Variants in NEXN observed in about 807,000 individuals in gnomAD.
The protein encoded by NEXN is nexilin F-actin binding protein.
NEXN carries 65 observed loss-of-function variants against 92.6 expected under a neutral mutation model. The ratio of observed to expected loss-of-function variants is 0.70; its 90% confidence interval spans 0.57 to 0.86. NEXN has a LOEUF of 0.86. Ranked by LOEUF, NEXN falls within the 40% of genes least tolerant of loss-of-function variation. NEXN has a pLI of 0.00. For synonymous variants in NEXN, 254 were observed against 242.5 expected (o/e 1.05, Z -0.44); for missense variants, 778 against 771.1 (o/e 1.01, Z -0.11).
chr1:77,894,145 C>T (rs766087188), intron 1 of NEXN, among the ~76,000 whole-genome samples: 1 of 150,942 alleles, frequency 6.6e-6, no homozygotes, highest in African/African-American at 2.4e-5. Flanking sequence ...TTAGTAGAGA[C>T]GAGATTTCAC....
chr1:77,908,943 T>C (rs1175774318), intron 1 of NEXN, among the ~76,000 whole-genome samples: 5 of 152,160 alleles, frequency 3.3e-5, no homozygotes, highest in African/African-American at 4.8e-5. Flanking sequence ...TGTGAGGTGA[T>C]TGAAGGTCTG....
At chr1:77,892,312 G>C (rs1227407337) in intron 1 of NEXN, among the ~76,000 whole-genome samples, 1 of 152,088 alleles carries the variant, frequency 6.6e-6, no homozygotes, top group East Asian at 1.9e-4. Flanking sequence ...TAGTGTACCT[G>C]TCACCCAAAT....
chr1:77,936,463 T>C (rs531847863), intron 11 of NEXN, among the ~76,000 whole-genome samples: 10 of 152,312 alleles, frequency 6.6e-5, no homozygotes, highest in South Asian at 4.1e-4. Flanking sequence ...TTTTGGCATA[T>C]GTTTTAGTTG....
chr1:77,939,384 G>A (rs1316979883), intron 11 of NEXN, among the ~76,000 whole-genome samples: 1 of 152,196 alleles, frequency 6.6e-6, no homozygotes, highest in African/African-American at 2.4e-5. Flanking sequence ...AGTACAAGTA[G>A]ATAAAGCTGC....
At chr1:77,925,988 A>G (rs930767539) in intron 6 of NEXN, among the ~76,000 whole-genome samples, 1 of 152,144 alleles carries the variant, frequency 6.6e-6, no homozygotes, top group Non-Finnish European at 1.5e-5. Context: ...TACTGGTTTC[A>G]TTAAGTATTT....
intron 1 of NEXN, among the ~76,000 whole-genome samples, chr1:77,906,958 T>C (rs1310114282): frequency 6.6e-6 from 1 of 152,132 alleles, no homozygotes; most frequent in African/African-American, 2.4e-5. Flanking sequence ...GGGAAATGAT[T>C]TGGAGAGAAG....
chr1:77,934,253 G>A (rs1007576522), intron 10 of NEXN, among the ~76,000 whole-genome samples: 5 of 151,902 alleles, frequency 3.3e-5, no homozygotes, highest in Admixed American at 6.6e-5. Context: ...CAGGTGATCC[G>A]CCCACCTCGG....
chr1:77,914,330 G>T (rs1186806832), intron 1 of NEXN, among the ~76,000 whole-genome samples: 5 of 151,980 alleles, frequency 3.3e-5, no homozygotes, highest in African/African-American at 1.2e-4. Flanking sequence ...GTTGATAATG[G>T]GGGTGACTAA....
chr1:77,910,392 C>T (rs1648463176), intron 1 of NEXN, among the ~76,000 whole-genome samples: 1 of 152,048 alleles, frequency 6.6e-6, no homozygotes. Context: ...GAACTGTGCT[C>T]ACCGATGATG....
intron 5 of NEXN, among the ~76,000 whole-genome samples, chr1:77,921,929 T>C (rs1377969835): frequency 6.6e-6 from 1 of 151,830 alleles, no homozygotes; most frequent in Non-Finnish European, 1.5e-5. Flanking sequence ...CAAAAAAATC[T>C]ACCAAAAAAG....
intron 1 of NEXN, among the ~76,000 whole-genome samples, chr1:77,897,869 GACAA>G (rs1226213475): frequency 6.6e-5 from 10 of 151,658 alleles, no homozygotes; most frequent in Non-Finnish European, 1.0e-4. Flanking sequence ...ACCAATAACA[GACAA>G]ACAGAGAGCC....
At chr1:77,923,401 A>G (rs938147147) in intron 5 of NEXN, among the ~76,000 whole-genome samples, 2 of 152,146 alleles carry the variant, frequency 1.3e-5, no homozygotes, top group Admixed American at 6.5e-5. Flanking sequence ...AGCAGGGTAC[A>G]ACAAAATTCC....
intron 1 of NEXN, among the ~76,000 whole-genome samples, chr1:77,909,813 C>T (rs1003110841): frequency 6.6e-6 from 1 of 152,158 alleles, no homozygotes; most frequent in Non-Finnish European, 1.5e-5. Flanking sequence ...CCTACATGAA[C>T]TCTTCCAGAA....
chr1:77,936,374 T>G (rs372609049), intron 11 of NEXN, among the ~76,000 whole-genome samples: 1 of 152,128 alleles, frequency 6.6e-6, no homozygotes, highest in South Asian at 2.1e-4. Flanking sequence ...GATCACATGA[T>G]CCAGGAGTCC....
At chr1:77,900,464 C>A (rs1021457071) in intron 1 of NEXN, among the ~76,000 whole-genome samples, 1 of 152,106 alleles carries the variant, frequency 6.6e-6, no homozygotes, top group Non-Finnish European at 1.5e-5. Flanking sequence ...AGGGCTAGCT[C>A]TTATTTGTTT....
At chr1:77,898,098 T>G (rs1179353105) in intron 1 of NEXN, among the ~76,000 whole-genome samples, 1 of 151,672 alleles carries the variant, frequency 6.6e-6, no homozygotes, top group East Asian at 1.9e-4. Flanking sequence ...AGGTAATTTA[T>G]AGATTCAATG....
intron 8 of NEXN, 49 bp downstream of exon 8, chr1:77,926,941 G>A (rs376829278): frequency 1.4e-5 from 22 of 1,608,852 alleles, no homozygotes; most frequent in Admixed American, 8.3e-5. Context: ...GAAGTTAGCC[G>A]ACTTAAGATA....
At chr1:77,910,825 G>A (rs1218714339) in intron 1 of NEXN, among the ~76,000 whole-genome samples, 1 of 149,416 alleles carries the variant, frequency 6.7e-6, no homozygotes, top group Non-Finnish European at 1.5e-5. Flanking sequence ...TACAAAAACT[G>A]TATTTTTTAA....
Position 77,917,952 on chromosome 1 carries a change from C to G in NEXN, c.220-8C>G, listed in dbSNP as rs761959013. The stretch of plus-strand genomic sequence containing the variant: ...CATGTGCTCACATTAATTTATTTAA[C>G]CATCTAGATTAAAGAAATGCTTGCT... On this transcript the variant is annotated splice_region_variant and splice_polypyrimidine_tract_variant and intron_variant, in intron 3 of 12. Transcript: ENST00000334785. The G allele has an allele frequency of 6.2e-7, 1 of 1,602,514 alleles. No homozygotes were observed. Among genetic ancestry groups the G allele is most frequent in the Non-Finnish European group, 8.5e-7 (1 of 1,170,508 alleles).
Sources: gnomAD v4.1 joint callset for allele counts (sites outside exome capture counted in the v4.1 genomes callset) on GRCh38, gnomAD v4.1.1 for gene constraint, MANE v1.5 for transcripts, NCBI Gene and HGNC (gene_info 2026-07-23, HGNC 2026-07-21) for gene names.